WWOX: variants seen among roughly 807,000 people sequenced by gnomAD.
WWOX encodes the protein WW domain-containing oxidoreductase.
Under a neutral mutation model 46.2 loss-of-function variants are expected in WWOX, and 69 were observed. The observed-to-expected ratio is 1.49, with a 90% CI of 1.23 to 1.82. The LOEUF (loss-of-function observed/expected upper bound fraction) is 1.82. Among genes scored for constraint, WWOX ranks in the 40% most tolerant of loss-of-function variants. The pLI is 0.00. For synonymous variants in WWOX, 359 were observed against 202.6 expected, an observed-to-expected ratio of 1.77 and a Z score of -6.56; for missense variants, 919 against 542.6, an observed-to-expected ratio of 1.69 and a Z score of -6.89.
intron 8 of WWOX, among the ~76,000 whole-genome samples, chr16:78,742,280 G>C (rs1179186827): frequency 6.6e-6 from 1 of 152,170 alleles, no homozygotes; most frequent in Non-Finnish European, 1.5e-5. Flanking sequence ...GACCACTCAG[G>C]ACAGGGAAAA....
chr16:78,103,710 T>C (rs758321350), intron 1 of WWOX, among the ~76,000 whole-genome samples: 2 of 152,102 alleles, frequency 1.3e-5, no homozygotes, highest in Non-Finnish European at 2.9e-5. Context: ...TTGGGAAACT[T>C]TGTGGTTGTT....
At chr16:78,961,369 A>G (rs1055780251) in intron 8 of WWOX, among the ~76,000 whole-genome samples, 4 of 152,220 alleles carry the variant, frequency 2.6e-5, no homozygotes, top group Non-Finnish European at 5.9e-5. Context: ...GTCTTTGACC[A>G]TCAAGGAGGT....
At chr16:78,242,021 A>G (rs1475164889) in intron 5 of WWOX, among the ~76,000 whole-genome samples, 1 of 152,328 alleles carries the variant, frequency 6.6e-6, no homozygotes, top group South Asian at 2.1e-4. Context: ...AATGCCTGTC[A>G]TTGTTGACTG....
intron 8 of WWOX, among the ~76,000 whole-genome samples, chr16:78,901,953 C>T (rs2044841892): frequency 6.6e-6 from 1 of 152,232 alleles, no homozygotes; most frequent in Admixed American, 6.5e-5. Flanking sequence ...ATCCCATTCC[C>T]ACTCCATTAT....
At chr16:79,123,790 C>G (rs186645405) in intron 8 of WWOX, among the ~76,000 whole-genome samples, 10 of 152,292 alleles carry the variant, frequency 6.6e-5, no homozygotes, top group Admixed American at 6.5e-4. Flanking sequence ...AACCTGATTT[C>G]TTGAATCCCA....
At chr16:78,794,398 A>G (rs973503672) in intron 8 of WWOX, among the ~76,000 whole-genome samples, 6 of 152,168 alleles carry the variant, frequency 3.9e-5, no homozygotes, top group Non-Finnish European at 7.4e-5. Context: ...ATAAACAAAA[A>G]ACAAAATAAA....
Position 78,750,012 on chromosome 16 carries a change from G to A in WWOX, c.1056+317260G>A, listed in dbSNP as rs372103251. Among the ~76,000 whole-genome samples the A allele has an allele frequency of 5.3e-5, 8 of 152,088 alleles. No individual in the cohort carries two copies. The East Asian group carries it at 5.8e-4, about 11-fold the overall frequency. On this transcript the variant is annotated intron_variant, in intron 8 of 8. Transcript: ENST00000566780. ...CTCCCCCCAACAATCCCTTCTTGTC[G>A]TTCAGTAGTAGATAGACTCTATCAG...
intron 8 of WWOX, among the ~76,000 whole-genome samples, chr16:78,967,614 T>G (rs919246232): frequency 6.6e-6 from 1 of 151,984 alleles, no homozygotes; most frequent in African/African-American, 2.4e-5. Context: ...ACCCCCTATG[T>G]AGACTTTTAA....
At chr16:78,739,577 G>A (rs1209449893) in intron 8 of WWOX, among the ~76,000 whole-genome samples, 1 of 152,152 alleles carries the variant, frequency 6.6e-6, no homozygotes, top group Admixed American at 6.5e-5. Context: ...TTGGGAGGCT[G>A]AGGCAGATAA....
intron 6 of WWOX, among the ~76,000 whole-genome samples, chr16:78,421,576 A>G (rs769928580): frequency 2.6e-5 from 4 of 152,140 alleles, no homozygotes; most frequent in Non-Finnish European, 4.4e-5. Flanking sequence ...TATGGAAGCA[A>G]TGGGATGGGA....
At chr16:79,027,910 A>T (rs999040162) in intron 8 of WWOX, among the ~76,000 whole-genome samples, 1 of 151,682 alleles carries the variant, frequency 6.6e-6, no homozygotes, top group East Asian at 1.9e-4. Flanking sequence ...TTTGAGTAGA[A>T]TTAGGGAGTT....
intron 8 of WWOX, among the ~76,000 whole-genome samples, chr16:79,086,592 G>T (rs2048858262): frequency 6.6e-6 from 1 of 152,166 alleles, no homozygotes; most frequent in African/African-American, 2.4e-5. Flanking sequence ...TAAAGAATTT[G>T]TGTCCTGGCC....
At chr16:78,479,131 A>G (rs1597142401) in intron 8 of WWOX, among the ~76,000 whole-genome samples, 1 of 152,208 alleles carries the variant, frequency 6.6e-6, no homozygotes, top group East Asian at 1.9e-4. Flanking sequence ...AAAAATAAAC[A>G]TACATCTTGG....
At chr16:79,023,068 A>G (rs1436261603) in intron 8 of WWOX, among the ~76,000 whole-genome samples, 3 of 152,236 alleles carry the variant, frequency 2.0e-5, no homozygotes, top group South Asian at 2.1e-4. Flanking sequence ...TAATACCTAC[A>G]ATAACCACAA....
intron 6 of WWOX, among the ~76,000 whole-genome samples, chr16:78,403,785 C>G (rs1490977629): frequency 2.6e-5 from 4 of 152,314 alleles, no homozygotes; most frequent in Non-Finnish European, 5.9e-5. Context: ...TAGGCATTGT[C>G]AAGTAATTTA....
At chr16:78,231,693 G>T (rs565007799) in intron 5 of WWOX, among the ~76,000 whole-genome samples, 2 of 152,248 alleles carry the variant, frequency 1.3e-5, no homozygotes, top group East Asian at 3.9e-4. Context: ...ATTATCAATT[G>T]CCTCTCTCCT....
intron 8 of WWOX, among the ~76,000 whole-genome samples, chr16:78,927,592 C>T (rs2045527804): frequency 1.3e-5 from 2 of 152,270 alleles, no homozygotes; most frequent in South Asian, 2.1e-4. Context: ...CACTACAACC[C>T]TATGTAGTTC....
chr16:78,715,068 C>G (rs990817066), intron 8 of WWOX, among the ~76,000 whole-genome samples: 1 of 152,000 alleles, frequency 6.6e-6, no homozygotes, highest in Non-Finnish European at 1.5e-5. Context: ...ATTGCTTGAG[C>G]CCAGGAATTT....
chr16:78,989,821 C>CGTCT (rs1555507885), intron 8 of WWOX, among the ~76,000 whole-genome samples: 15 of 136,402 alleles, frequency 1.1e-4, no homozygotes, highest in Admixed American at 1.0e-3. Flanking sequence ...GGTGTGTGAG[C>CGTCT]GTGTGTGTGT....
Sources: gnomAD v4.1 joint callset for allele counts (sites outside exome capture counted in the v4.1 genomes callset) on GRCh38, gnomAD v4.1.1 for gene constraint, MANE v1.5 for transcripts, NCBI Gene and HGNC (gene_info 2026-07-23, HGNC 2026-07-21) for gene names.